The following PCYT1A variants were observed in gnomAD, a reference collection of about 807,000 sequenced individuals.
PCYT1A encodes phosphate cytidylyltransferase 1A, choline, also known as choline-phosphate cytidylyltransferase A.
A neutral mutation model predicts 43.7 loss-of-function variants in PCYT1A; 25 were observed. The ratio of observed to expected loss-of-function variants is 0.57; its 90% CI spans 0.42 to 0.80. PCYT1A has a LOEUF of 0.80. Among genes scored for constraint, PCYT1A ranks in the 30% least tolerant of loss-of-function variants. PCYT1A has a pLI of 0.00. For synonymous variants in PCYT1A, 172 were observed against 170.7 expected (o/e 1.01, Z -0.06); for missense variants, 421 against 474.2 (o/e 0.89, Z 1.04).
rs567015998 is a variant in PCYT1A at position 196,273,903 on chromosome 3, C to T, written c.-10-3362G>A. 7.1e-4 allele frequency among the ~76,000 whole-genome samples: 108 copies of T among 152,354 alleles called. No homozygotes were observed. The highest frequency in any genetic ancestry group is 1.4e-3 in the Admixed American group (22 of 15,304). On this transcript the variant is annotated intron_variant, in intron 1 of 8. Transcript: ENST00000431016. The surrounding 1 kb of genome is among the most constrained non-coding windows in gnomAD (Gnocchi z 4.1). ...CCATTTCCGCCTAGGAGCCTGTCTG[C>T]CTCCTGCTGTCATCAACCTGCTGTC...
chr3:196,256,569 T>G (rs1221498152), intron 3 of PCYT1A, among the ~76,000 whole-genome samples: 1 of 152,190 alleles, frequency 6.6e-6, no homozygotes, highest in Non-Finnish European at 1.5e-5. Flanking sequence ...AGACAGGGTC[T>G]CGCTCTGTCA....
Position 196,243,614 on chromosome 3 carries a change from T to A in PCYT1A, c.487-974A>T, listed in dbSNP as rs985538028. 5.3e-5 allele frequency among the ~76,000 whole-genome samples: 8 copies of A among 152,102 alleles called. 1 individual carries two copies. Among genetic ancestry groups the A allele is most frequent in the Admixed American group, 5.2e-4 (8 of 15,274 alleles). ...AGCTGGACTGTACTGCCGCCATCTC[T>A]GCTCACTGCAACCTCCCTGCCTGAT... On this transcript the variant is annotated intron_variant, in intron 5 of 8. Transcript: ENST00000431016.
At position 196,237,023 on chromosome 3, in the gene PCYT1A, GC is replaced by G. The variant is rs1724183675; in HGVS notation, c.*1664del. On this transcript the variant is annotated 3_prime_UTR_variant, in exon 9 of 9. Transcript: ENST00000431016. ...TCCTGCTGTGCAGGCAATGATTCTA[GC>G]CTCTGACCCTCAGGCGGAAAACTAG... 1 of 152,246 alleles carries G rather than the reference GC, an allele frequency of 6.6e-6. No homozygotes were observed. The highest frequency in any genetic ancestry group is 1.5e-5 in the Non-Finnish European group (1 of 68,062). The allele number at this position is 152,246 out of a possible 1,614,324, so 9.4% of individuals were successfully genotyped here.
intron 2 of PCYT1A, among the ~76,000 whole-genome samples, chr3:196,259,680 C>T (rs1725049544): frequency 6.6e-6 from 1 of 151,108 alleles, no homozygotes; most frequent in Non-Finnish European, 1.5e-5. Flanking sequence ...CCTGTCTCTA[C>T]AAAAAAATAC....
chr3:196,261,050 A>G (rs1455603349), intron 2 of PCYT1A, among the ~76,000 whole-genome samples: 2 of 152,224 alleles, frequency 1.3e-5, no homozygotes, highest in Non-Finnish European at 2.9e-5. Context: ...TGGATCTTGA[A>G]AACATTATGC....
chr3:196,257,925 T>A, intron 2 of PCYT1A, 38 bp from the exon 3 acceptor site: 1 of 1,220,968 alleles, frequency 8.2e-7, no homozygotes. Context: ...AAAGTTCAAC[T>A]CAATGGCATA....
chr3:196,284,285 T>C (rs991764702), intron 1 of PCYT1A, among the ~76,000 whole-genome samples: 6 of 152,220 alleles, frequency 3.9e-5, no homozygotes, highest in Non-Finnish European at 8.8e-5. Context: ...TCAGCACTTA[T>C]AACATCTCTA....
In PCYT1A at chr3:196,236,549, G is replaced by C. The variant is rs1380485530; in HGVS notation, c.*2139C>G. On this transcript the variant is annotated 3_prime_UTR_variant, in exon 9 of 9. Transcript: ENST00000431016. Reference sequence around the variant, plus strand: ...AAGAGTTAGAAATGTCGTTGTCATAGGCGATCAGGATAACAAGAGGCTTCA... The same window carrying C: ...AAGAGTTAGAAATGTCGTTGTCATACGCGATCAGGATAACAAGAGGCTTCA... The C allele has an allele frequency of 6.6e-6, 1 of 152,214 alleles. No individual in the cohort carries two copies. Among genetic ancestry groups the C allele is most frequent in the Admixed American group, 6.5e-5 (1 of 15,282 alleles). The allele number at this position is 152,214 out of a possible 1,614,324, so 9.4% of individuals were successfully genotyped here.
Position 196,287,693 on chromosome 3 carries a change from G to C in PCYT1A, c.-89C>G, listed in dbSNP as rs1000879652. The C allele has an allele frequency of 6.6e-6, 1 of 152,272 alleles. No individual in the cohort carries two copies. The highest frequency in any genetic ancestry group is 1.5e-5 in the Non-Finnish European group (1 of 68,126). 9.4% of individuals were successfully genotyped at this position (152,272 alleles called of 1,614,324 possible). On this transcript the variant is annotated 5_prime_UTR_variant, in exon 1 of 9. Transcript: ENST00000431016. The stretch of plus-strand genomic sequence containing the variant: ...CGTCACTGACTAGGGAAGTTGAGGA[G>C]GTTGCGGGGAGACGCCCGGGGAAGG...
Position 196,270,457 on chromosome 3 carries a change from T to C in PCYT1A, c.75A>G (p.Thr25=), listed in dbSNP as rs1355342195. The C allele has an allele frequency of 1.2e-6, 2 of 1,614,066 alleles. No individual in the cohort carries two copies. Among genetic ancestry groups the C allele is most frequent in the Admixed American group, 1.7e-5 (1 of 60,002 alleles). The change falls in exon 2 of 9, where the codon ACA becomes ACG. Residue 25 remains threonine (T), a synonymous_variant. Coordinates refer to ENST00000431016, the MANE Select transcript of PCYT1A (RefSeq NM_001312673.2). ...CTTTGGAAGGAACCCCATCTTCTTC[T>C]GTTGCCCCGTTGGGTCCGGGCGCCT... ...RKEAPGPNGA[T]EEDGVPSKVQ...
chr3:196,243,228 T>TGAGGCAGGAGAATTGCTTG (rs1296019035), intron 5 of PCYT1A: 1 of 153,092 alleles, frequency 6.5e-6, no homozygotes, highest in African/African-American at 2.4e-5. Flanking sequence ...CTTGGGAGGC[T>TGAGGCAGGAGAATTGCTTG]GAGGCAGGAG....
chr3:196,281,257 G>A (rs1185587329), intron 1 of PCYT1A, among the ~76,000 whole-genome samples: 2 of 152,206 alleles, frequency 1.3e-5, no homozygotes, highest in Non-Finnish European at 2.9e-5. Context: ...TAATATTCCT[G>A]GCATTCATTA....
At chr3:196,270,194 C>G (rs1451503772) in intron 2 of PCYT1A, among the ~76,000 whole-genome samples, 1 of 152,230 alleles carries the variant, frequency 6.6e-6, no homozygotes, top group Non-Finnish European at 1.5e-5. Flanking sequence ...AATACACATG[C>G]AACTTCCATA....
In PCYT1A at chr3:196,238,448, G is replaced by C. The variant is rs1051174563; in HGVS notation, c.*240C>G. ...TAAACAGTGAAACAAAGCCCTTGGG[G>C]GGGGGTAAATGGATGCAGAGCAGGC... On this transcript the variant is annotated 3_prime_UTR_variant, in exon 9 of 9. Coordinates refer to ENST00000431016, the MANE Select transcript of PCYT1A (RefSeq NM_001312673.2). 13 of 361,400 alleles carry C rather than the reference G, an allele frequency of 3.6e-5. No individual in the cohort carries two copies. The South Asian group carries it at 5.7e-4, about 16-fold the overall frequency. The allele number at this position is 361,400 out of a possible 1,614,324, so 22.4% of individuals were successfully genotyped here.
intron 1 of PCYT1A, among the ~76,000 whole-genome samples, chr3:196,285,621 G>A (rs1389149389): frequency 1.3e-5 from 2 of 152,134 alleles, no homozygotes; most frequent in Non-Finnish European, 2.9e-5. Context: ...CCATAGTGTG[G>A]TATCATTCCT....
chr3:196,262,690 T>A (rs1725149444), intron 2 of PCYT1A, among the ~76,000 whole-genome samples: 1 of 152,134 alleles, frequency 6.6e-6, no homozygotes, highest in Non-Finnish European at 1.5e-5. Context: ...CAAGAGATTC[T>A]GGCATCCACA....
rs969364102 is a variant in PCYT1A, at chr3:196,238,499, G to A, written c.*189C>T. The A allele has an allele frequency of 1.2e-4, 49 of 424,458 alleles. No homozygotes were observed. Among genetic ancestry groups the A allele is most frequent in the Admixed American group, 7.9e-4 (18 of 22,738 alleles). 26.3% of individuals were successfully genotyped at this position (424,458 alleles called of 1,614,324 possible). A position where few individuals can be genotyped will look rare whatever the true frequency, so the allele number is the denominator to read the frequency against. On this transcript the variant is annotated 3_prime_UTR_variant, in exon 9 of 9. Transcript: ENST00000431016. ...TTCTAAGGTGCAGTCCCCCTCCTTC[G>A]TGTGGGTGAGTGATGTCACTTGCAG...
intron 1 of PCYT1A, among the ~76,000 whole-genome samples, chr3:196,281,089 C>G (rs577870891): frequency 6.6e-6 from 1 of 152,352 alleles, no homozygotes; most frequent in African/African-American, 2.4e-5. Context: ...AAACCCAATG[C>G]CCAGTATTTT....
intron 1 of PCYT1A, among the ~76,000 whole-genome samples, chr3:196,271,612 T>C (rs1725436601): frequency 6.9e-6 from 1 of 145,408 alleles, no homozygotes; most frequent in South Asian, 2.3e-4. Context: ...TCCTTTTTTT[T>C]TTTTTGAGAA....
Sources: gnomAD v4.1 joint callset for allele counts (sites outside exome capture counted in the v4.1 genomes callset) on GRCh38, gnomAD v4.1.1 for gene constraint, Gnocchi (gnomAD v3.1) non-coding constraint, MANE v1.5 for transcripts, NCBI Gene and HGNC (gene_info 2026-07-23, HGNC 2026-07-21) for gene names.